The following CHCHD3 variants were observed in gnomAD, a reference collection of about 807,000 sequenced individuals.
CHCHD3 encodes coiled-coil-helix-coiled-coil-helix domain containing 3.
Under a neutral mutation model 38.2 loss-of-function variants are expected in CHCHD3, and 20 were observed. The ratio of observed to expected loss-of-function variants is 0.52; its 90% CI spans 0.37 to 0.76. The LOEUF (loss-of-function observed/expected upper bound fraction) is 0.76. Ranked by LOEUF, CHCHD3 falls within the 30% of genes least tolerant of loss-of-function variation. The pLI is 0.00. For synonymous variants in CHCHD3, 82 were observed against 100.0 expected (o/e 0.82, Z 1.07); for missense variants, 245 against 279.2 (o/e 0.88, Z 0.87).
At chr7:133,042,591 T>G (rs1052141795) in intron 2 of CHCHD3, among the ~76,000 whole-genome samples, 2 of 152,198 alleles carry the variant, frequency 1.3e-5, no homozygotes, top group Non-Finnish European at 2.9e-5. Flanking sequence ...CTGGCTCTAG[T>G]CTGTGCCAAT....
At chr7:133,012,969 T>C (rs1812922659) in intron 3 of CHCHD3, among the ~76,000 whole-genome samples, 1 of 151,706 alleles carries the variant, frequency 6.6e-6, no homozygotes, top group Non-Finnish European at 1.5e-5. Context: ...GTGGATCACC[T>C]GGGGTCAGGA....
rs566454649 is a variant in CHCHD3, at chr7:132,826,626, G to A, written c.524+11773C>T. Reference sequence around the variant, plus strand: ...AAGGCAGGCATGTGAGCAAGTTGGGGATGCTTGGCGACACTAACATATGAA... The same window carrying A: ...AAGGCAGGCATGTGAGCAAGTTGGGAATGCTTGGCGACACTAACATATGAA... On this transcript the variant is annotated intron_variant, in intron 6 of 7. Coordinates refer to ENST00000262570, the MANE Select transcript of CHCHD3 (RefSeq NM_017812.4). Among the ~76,000 whole-genome samples the A allele has an allele frequency of 3.3e-5, 5 of 152,312 alleles. No homozygotes were observed. The South Asian group carries it at 8.3e-4, about 25-fold the overall frequency.
intron 6 of CHCHD3, among the ~76,000 whole-genome samples, chr7:132,829,408 C>T (rs926596404): frequency 2.0e-5 from 3 of 151,932 alleles, no homozygotes; most frequent in Non-Finnish European, 4.4e-5. Flanking sequence ...CTTAATGGAT[C>T]GTATTGATTA....
chr7:132,811,077 A>G (rs1807058550), intron 6 of CHCHD3, among the ~76,000 whole-genome samples: 1 of 152,180 alleles, frequency 6.6e-6, no homozygotes, highest in African/African-American at 2.4e-5. Flanking sequence ...ATTGAGAAAA[A>G]AAAAATAAAC....
At chr7:132,858,581 T>C (rs1435392245) in intron 5 of CHCHD3, among the ~76,000 whole-genome samples, 4 of 152,166 alleles carry the variant, frequency 2.6e-5, no homozygotes, top group African/African-American at 4.8e-5. Context: ...CAACAAAGCA[T>C]GAATAGCCTA....
At chr7:133,063,945 C>T (rs1282030317) in intron 2 of CHCHD3, among the ~76,000 whole-genome samples, 1 of 152,168 alleles carries the variant, frequency 6.6e-6, no homozygotes, top group African/African-American at 2.4e-5. Flanking sequence ...CCCTCTTAGC[C>T]TCAAGTTTGG....
intron 5 of CHCHD3, among the ~76,000 whole-genome samples, chr7:132,851,033 G>A (rs1192144810): frequency 6.6e-6 from 1 of 152,118 alleles, no homozygotes; most frequent in Non-Finnish European, 1.5e-5. Flanking sequence ...TTAGGAATAA[G>A]AGGAACCTAC....
chr7:133,019,862 G>A lies in CHCHD3; in HGVS notation c.251+4684C>T, dbSNP rs559761759. ...ACTTTTGGAGGTAGGGCACAGAGGA[G>A]AAGTAAATCATATTTTTAAAGTCTA... On this transcript the variant is annotated intron_variant, in intron 3 of 7. Transcript: ENST00000262570. 7.2e-5 allele frequency among the ~76,000 whole-genome samples: 11 copies of A among 152,308 alleles called. No homozygotes were observed. In the South Asian group the frequency reaches 2.3e-3, roughly 32 times the overall value.
chr7:132,872,275 TA>T (rs1808784336), intron 5 of CHCHD3, among the ~76,000 whole-genome samples: 1 of 152,186 alleles, frequency 6.6e-6, no homozygotes, highest in South Asian at 2.1e-4. Context: ...CTTGTGTGAC[TA>T]AACCTAAATT....
At chr7:132,885,575 T>G in intron 5 of CHCHD3, 87 bp downstream of exon 5, 1 of 1,060,544 alleles carries the variant, frequency 9.4e-7, no homozygotes, top group Non-Finnish European at 1.3e-6. Context: ...GGAAAAGCAG[T>G]TGAAGTTCTA....
chr7:133,033,060 T>G (rs1165015902), intron 2 of CHCHD3, among the ~76,000 whole-genome samples: 1 of 152,150 alleles, frequency 6.6e-6, no homozygotes, highest in Admixed American at 6.6e-5. Flanking sequence ...CAAGCTAATT[T>G]ATAATAAAAT....
At chr7:132,849,056 C>A (rs1443216522) in intron 5 of CHCHD3, 3 of 152,206 alleles carry the variant, frequency 2.0e-5, no homozygotes, top group African/African-American at 7.2e-5. Context: ...TAAACTGAGT[C>A]TCGCTTTTTA....
At chr7:132,838,268 C>A in intron 6 of CHCHD3, 131 bp downstream of exon 6, 1 of 558,476 alleles carries the variant, frequency 1.8e-6, no homozygotes, top group Non-Finnish European at 3.1e-6. Flanking sequence ...GCCCCCATCT[C>A]AACCACCCCA....
At chr7:133,038,765 C>T (rs10253870) in intron 2 of CHCHD3, among the ~76,000 whole-genome samples, 70,524 of 152,028 alleles carry the variant, frequency 0.46, 17,263 homozygotes, top group African/African-American at 0.62. Context: ...TAGAGATCCA[C>T]TTCCTACATG....
At chr7:132,798,564 G>T (rs1454566104) in intron 6 of CHCHD3, among the ~76,000 whole-genome samples, 1 of 152,034 alleles carries the variant, frequency 6.6e-6, no homozygotes, top group East Asian at 1.9e-4. Flanking sequence ...ATGACTAATA[G>T]CTCATAGGAA....
At chr7:132,927,486 A>G (rs181463279) in intron 4 of CHCHD3, among the ~76,000 whole-genome samples, 1 of 152,340 alleles carries the variant, frequency 6.6e-6, no homozygotes, top group East Asian at 1.9e-4. Context: ...CCAAGTTTTC[A>G]ACACTGTATC....
At chr7:132,930,879 AC>A (rs1308744102) in intron 4 of CHCHD3, among the ~76,000 whole-genome samples, 1 of 152,196 alleles carries the variant, frequency 6.6e-6, no homozygotes, top group Non-Finnish European at 1.5e-5. Context: ...AAGAAATTGT[AC>A]CAGGTTTTCT....
At chr7:132,974,063 T>C (rs1017950640) in intron 4 of CHCHD3, 2 of 1,254,124 alleles carry the variant, frequency 1.6e-6, no homozygotes, top group Non-Finnish European at 2.1e-6. Context: ...ATAAATTATG[T>C]TGAATACAAA....
chr7:133,027,668 C>T (rs1418109774), intron 2 of CHCHD3, among the ~76,000 whole-genome samples: 1 of 152,146 alleles, frequency 6.6e-6, no homozygotes, highest in African/African-American at 2.4e-5. Flanking sequence ...TGTTTTGCCT[C>T]TCTCCTACTT....
Sources: gnomAD v4.1 joint callset for allele counts (sites outside exome capture counted in the v4.1 genomes callset) on GRCh38, gnomAD v4.1.1 for gene constraint, MANE v1.5 for transcripts, NCBI Gene and HGNC (gene_info 2026-07-23, HGNC 2026-07-21) for gene names.